The following NAA50 variants were observed in gnomAD, a reference collection of about 807,000 sequenced individuals.
NAA50 encodes N-alpha-acetyltransferase 50, NatE catalytic subunit.
A neutral mutation model predicts 20.7 loss-of-function variants in NAA50; 7 were observed. The observed-to-expected ratio is 0.34, with a 90% CI of 0.19 to 0.63. NAA50 has a LOEUF of 0.63. Ranked by LOEUF, NAA50 falls within the 30% of genes least tolerant of loss-of-function variation. The pLI is 0.75. For synonymous variants in NAA50, 54 were observed against 70.6 expected (o/e 0.77, Z 1.18); for missense variants, 111 against 199.1 (o/e 0.56, Z 2.66).
intron 1 of NAA50, among the ~76,000 whole-genome samples, chr3:113,736,557 T>G (rs1311195840): frequency 1.3e-5 from 2 of 152,242 alleles, no homozygotes; most frequent in Non-Finnish European, 2.9e-5. Flanking sequence ...CACAGCGATG[T>G]CAGATATTAT....
intron 1 of NAA50, among the ~76,000 whole-genome samples, chr3:113,736,747 C>T (rs1237563463): frequency 1.3e-5 from 2 of 152,164 alleles, no homozygotes; most frequent in African/African-American, 4.8e-5. Flanking sequence ...GGGCCTTGAA[C>T]TGCTGGGCTT....
In NAA50 at chr3:113,716,639, G is replaced by A. The variant is rs1490700943; in HGVS notation, c.*5121C>T. On this transcript the variant is annotated 3_prime_UTR_variant, in exon 5 of 5. Coordinates refer to ENST00000240922, the MANE Select transcript of NAA50 (RefSeq NM_025146.4). Reference sequence around the variant, plus strand: ...AAAGCATTATAATCAGATGTCCTACGAAAGCTACAGTGATTCAACATGTGC... The same window carrying A: ...AAAGCATTATAATCAGATGTCCTACAAAAGCTACAGTGATTCAACATGTGC... The A allele has an allele frequency of 6.6e-6, 1 of 152,206 alleles. No homozygotes were observed. The highest frequency in any genetic ancestry group is 1.9e-4 in the East Asian group (1 of 5,202). The allele number at this position is 152,206 out of a possible 1,614,324, so 9.4% of individuals were successfully genotyped here.
At chr3:113,723,647 CA>C in intron 2 of NAA50, 106 bp from the exon 3 acceptor site, 1 of 1,262,664 alleles carries the variant, frequency 7.9e-7, no homozygotes, top group Non-Finnish European at 1.1e-6. Context: ...TAAATTTCAT[CA>C]ACTATTTCAT....
At chr3:113,743,673 T>C (rs1283721230) in intron 1 of NAA50, among the ~76,000 whole-genome samples, 1 of 152,190 alleles carries the variant, frequency 6.6e-6, no homozygotes, top group Non-Finnish European at 1.5e-5. Context: ...TCCTGTGAAA[T>C]CATCTTAAAG....
chr3:113,737,131 G>C (rs1708354324), intron 1 of NAA50, among the ~76,000 whole-genome samples: 2 of 152,038 alleles, frequency 1.3e-5, no homozygotes, highest in South Asian at 4.1e-4. Flanking sequence ...AACAATTTCT[G>C]TCAAAGGAAT....
At position 113,746,094 on chromosome 3, in the gene NAA50, G is replaced by T; in HGVS notation, c.-145C>A. 9.4e-7 allele frequency: 1 copy of T among 1,063,392 alleles called. No homozygotes were observed. The highest frequency in any genetic ancestry group is 1.5e-5 in the South Asian group (1 of 66,990). 65.9% of individuals were successfully genotyped at this position (1,063,392 alleles called of 1,614,324 possible). ...GGCAGGGAGCTGTGCGAGCAACGAAGGCCGCGAGAGTCGAGTGAGGGCTTG... is the reference window on the plus strand; with the variant it reads ...GGCAGGGAGCTGTGCGAGCAACGAATGCCGCGAGAGTCGAGTGAGGGCTTG... On this transcript the variant is annotated 5_prime_UTR_variant, in exon 1 of 5. Transcript: ENST00000240922.
At chr3:113,724,956 G>A (rs968728828) in intron 1 of NAA50, among the ~76,000 whole-genome samples, 1 of 152,122 alleles carries the variant, frequency 6.6e-6, no homozygotes, top group African/African-American at 2.4e-5. Flanking sequence ...CCCTATCCCT[G>A]CGCAACTGTG....
intron 1 of NAA50, among the ~76,000 whole-genome samples, chr3:113,724,383 A>G (rs1347776273): frequency 6.6e-6 from 1 of 152,226 alleles, no homozygotes; most frequent in East Asian, 1.9e-4. Context: ...CTTGTAGTTC[A>G]TAGTTCAGAA....
At chr3:113,728,969 G>A (rs971468044) in intron 1 of NAA50, among the ~76,000 whole-genome samples, 11 of 151,442 alleles carry the variant, frequency 7.3e-5, no homozygotes, top group African/African-American at 2.7e-4. Flanking sequence ...GCTTACTCTT[G>A]ATACACTTTT....
At chr3:113,731,945 G>A (rs1319900530) in intron 1 of NAA50, among the ~76,000 whole-genome samples, 1 of 152,134 alleles carries the variant, frequency 6.6e-6, no homozygotes, top group East Asian at 1.9e-4. Flanking sequence ...GTCTGCGTGT[G>A]GACATACGCC....
At chr3:113,732,958 T>C (rs1361735574) in intron 1 of NAA50, among the ~76,000 whole-genome samples, 2 of 152,214 alleles carry the variant, frequency 1.3e-5, no homozygotes, top group South Asian at 4.1e-4. Context: ...TGATATCTCA[T>C]TGGACGTATT....
chr3:113,741,356 A>C (rs1702742554), intron 1 of NAA50: 1 of 218,798 alleles, frequency 4.6e-6, no homozygotes, highest in South Asian at 7.2e-5. Flanking sequence ...AGAACAATAA[A>C]ATTGTGCCAT....
At chr3:113,730,613 C>T (rs1708260274) in intron 1 of NAA50, among the ~76,000 whole-genome samples, 3 of 152,184 alleles carry the variant, frequency 2.0e-5, no homozygotes, top group Admixed American at 2.0e-4. Flanking sequence ...AAGTTCAACT[C>T]CCAAGCAGCC....
chr3:113,744,704 T>G (rs1027368719), intron 1 of NAA50, among the ~76,000 whole-genome samples: 1 of 152,216 alleles, frequency 6.6e-6, no homozygotes, highest in African/African-American at 2.4e-5. Flanking sequence ...TAAAGATTAT[T>G]AGTACAAAAC....
intron 1 of NAA50, chr3:113,724,713 C>T (rs1708179332): frequency 6.6e-6 from 1 of 152,106 alleles, no homozygotes. Flanking sequence ...TGGCTGTGTC[C>T]CCATCCAAAT....
chr3:113,732,350 C>T (rs576318199), intron 1 of NAA50, among the ~76,000 whole-genome samples: 1 of 152,298 alleles, frequency 6.6e-6, no homozygotes, highest in South Asian at 2.1e-4. Flanking sequence ...GCTGGAAGAG[C>T]CAAGGAAAGA....
chr3:113,723,537 A>G lies in NAA50; in HGVS notation c.150T>C (p.Tyr50=). The G allele has an allele frequency of 6.3e-7, 1 of 1,598,762 alleles. No homozygotes were observed. Among genetic ancestry groups the G allele is most frequent in the Non-Finnish European group, 8.5e-7 (1 of 1,174,454 alleles). The part of the protein sequence containing the change: ...LEVGELAKLA[Y]FNDIAVGAVC... ...CTGCACCTACAGCAATATCATTGAA[A>G]TAGGCTGCCAAGGAAAACATAAAGA... Residue 50 remains tyrosine, a synonymous_variant, in exon 3 of 5, where the codon TAT becomes TAC. Coordinates refer to ENST00000240922, the MANE Select transcript of NAA50 (RefSeq NM_025146.4).
rs1270704822 is a variant in NAA50 at position 113,734,210 on chromosome 3, A to G, written c.9-10115T>C. ...AGTAAATTAAAGTAACAGAACACTC[A>G]ATACTGCATGTTCTCACTTATATGT... On this transcript the variant is annotated intron_variant, in intron 1 of 4. Coordinates refer to ENST00000240922, the MANE Select transcript of NAA50 (RefSeq NM_025146.4). 1.1e-4 allele frequency among the ~76,000 whole-genome samples: 16 copies of G among 152,204 alleles called. 1 individual carries two copies. Among genetic ancestry groups the G allele is most frequent in the Admixed American group, 1.0e-3 (16 of 15,282 alleles).
chr3:113,730,130 T>C (rs1010030229), intron 1 of NAA50, among the ~76,000 whole-genome samples: 2 of 151,952 alleles, frequency 1.3e-5, no homozygotes, highest in African/African-American at 4.8e-5. Flanking sequence ...TGAAACCCTG[T>C]CTCTACTAAA....
Sources: allele counts gnomAD v4.1 joint callset (sites outside exome capture counted in the v4.1 genomes callset), GRCh38; gene constraint gnomAD v4.1.1; transcripts MANE v1.5; gene names NCBI Gene and HGNC (gene_info 2026-07-23, HGNC 2026-07-21).